RPS6KA2: variants seen among roughly 807,000 people sequenced by gnomAD.
RPS6KA2 encodes the protein ribosomal protein S6 kinase A2, also known as ribosomal protein S6 kinase alpha-2.
Under a neutral mutation model 91.8 loss-of-function variants are expected in RPS6KA2, and 42 were observed. That is an observed-to-expected ratio of 0.46 (90% CI 0.36 to 0.59). RPS6KA2 has a LOEUF of 0.59. Among genes scored for constraint, RPS6KA2 ranks in the 20% least tolerant of loss-of-function variants. The probability of loss-of-function intolerance (pLI) is 0.00; values close to 1 mark genes in which losing one functional copy is unlikely to be tolerated. For synonymous variants in RPS6KA2, 414 were observed against 393.6 expected (o/e 1.05, Z -0.61); for missense variants, 798 against 978.5 (o/e 0.82, Z 2.46).
rs115027234 is a variant in RPS6KA2, at chr6:166,522,503, C to T, written c.298+8729G>A. On this transcript the variant is annotated intron_variant, in intron 3 of 20. Transcript: ENST00000265678. ...CGATGATGCTTTGTGGTTGATGCAG[C>T]GCAACTGGAGGGATTTTGAAGACTG... is the stretch of plus-strand genomic sequence containing the variant. Among the ~76,000 whole-genome samples the T allele has an allele frequency of 5.9e-3, 891 of 152,292 alleles. 5 individuals carry two copies. Among genetic ancestry groups the T allele is most frequent in the African/African-American group, 0.018 (767 of 41,550 alleles).
At chr6:166,805,936 A>G (rs1363785496) in intron 2 of RPS6KA2, among the ~76,000 whole-genome samples, 1 of 152,210 alleles carries the variant, frequency 6.6e-6, no homozygotes, top group Admixed American at 6.5e-5. Context: ...AAAGAAGCCA[A>G]AAATAAAACC....
intron 2 of RPS6KA2, among the ~76,000 whole-genome samples, chr6:166,634,038 G>T (rs1287286665): frequency 3.9e-5 from 6 of 152,232 alleles, no homozygotes; most frequent in Non-Finnish European, 8.8e-5. Flanking sequence ...TGTGGGCAGA[G>T]TGTGGGCTCA....
intron 14 of RPS6KA2, among the ~76,000 whole-genome samples, chr6:166,442,543 G>T (rs2294327): frequency 6.6e-6 from 1 of 152,088 alleles, no homozygotes; most frequent in African/African-American, 2.4e-5. Flanking sequence ...TGCTTGGCAC[G>T]TACTGAGTAT....
In RPS6KA2 at chr6:166,726,284, C is replaced by G. The variant is rs540514093; in HGVS notation, c.123+131916G>C. On this transcript the variant is annotated intron_variant, in intron 2 of 21. Coordinates refer to the RPS6KA2 transcript ENST00000503859. This position sits in a 1 kb window ranked among gnomAD's most constrained non-coding sequence, Gnocchi z 4.4. ...AGGACAAGGACAGACCAGAGGCTGA[C>G]GGCTTGCAAGTAGATGTGGAAGATA... Among the ~76,000 whole-genome samples the G allele has an allele frequency of 6.6e-6, 1 of 152,126 alleles. No individual in the cohort carries two copies. The highest frequency in any genetic ancestry group is 6.5e-5 in the Admixed American group (1 of 15,284).
At chr6:166,633,008 A>G (rs1475189523) in intron 2 of RPS6KA2, among the ~76,000 whole-genome samples, 1 of 152,256 alleles carries the variant, frequency 6.6e-6, no homozygotes, top group Non-Finnish European at 1.5e-5. Flanking sequence ...TGAGCCCAGG[A>G]GTTCAAGGCC....
chr6:166,611,448 T>C (rs1322473874), intron 1 of RPS6KA2, among the ~76,000 whole-genome samples: 1 of 152,242 alleles, frequency 6.6e-6, no homozygotes, highest in Non-Finnish European at 1.5e-5. Flanking sequence ...CCAGAGGACC[T>C]TTTCAACATT....
chr6:166,628,749 T>TA (rs1347162900), upstream of RPS6KA2, among the ~76,000 whole-genome samples: 1 of 152,186 alleles, frequency 6.6e-6, no homozygotes, highest in African/African-American at 2.4e-5. Flanking sequence ...AAGAGGAAAA[T>TA]ACGAGTGAAA....
intron 2 of RPS6KA2, among the ~76,000 whole-genome samples, chr6:166,851,602 G>T (rs1021121064): frequency 2.0e-5 from 3 of 152,158 alleles, no homozygotes; most frequent in African/African-American, 7.2e-5. Context: ...TCCGCTCCAG[G>T]CTCCCGATTT....
rs1452685104 is a variant in RPS6KA2 at position 166,770,303 on chromosome 6, A to G, written c.123+87897T>C. On this transcript the variant is annotated intron_variant, in intron 2 of 21. Transcript: ENST00000503859. The surrounding 1 kb of genome is among the most constrained non-coding windows in gnomAD (Gnocchi z 5.1). ...ACCAGATAGATGCTTGAAATAGGAG[A>G]AATCTACCTCCATCTAAAATTATCT... Among the ~76,000 whole-genome samples, 1 of 152,196 alleles carries G rather than the reference A, an allele frequency of 6.6e-6. No homozygotes were observed. Among genetic ancestry groups the G allele is most frequent in the Admixed American group, 6.5e-5 (1 of 15,278 alleles).
chr6:166,713,982 A>AC (rs1235407409), intron 2 of RPS6KA2, among the ~76,000 whole-genome samples: 1 of 152,196 alleles, frequency 6.6e-6, no homozygotes, highest in East Asian at 1.9e-4. Flanking sequence ...CTCAGCTTCC[A>AC]CAATGGCCTC....
intron 1 of RPS6KA2, chr6:166,544,466 T>G (rs1305098466): frequency 6.6e-6 from 1 of 152,180 alleles, no homozygotes; most frequent in African/African-American, 2.4e-5. Flanking sequence ...AGTGAACACA[T>G]GCCACCCATG....
At chr6:166,792,949 C>G (rs1161357164) in intron 2 of RPS6KA2, among the ~76,000 whole-genome samples, 3 of 152,198 alleles carry the variant, frequency 2.0e-5, no homozygotes, top group African/African-American at 4.8e-5. Context: ...TGGCACAAGA[C>G]AGGGATGACC....
At chr6:166,440,684 A>G (rs1779491721) in intron 14 of RPS6KA2, among the ~76,000 whole-genome samples, 1 of 152,276 alleles carries the variant, frequency 6.6e-6, no homozygotes, top group Non-Finnish European at 1.5e-5. Context: ...CATTATCAGC[A>G]ATCGATTATG....
chr6:166,602,261 T>C (rs553593226), intron 1 of RPS6KA2, among the ~76,000 whole-genome samples: 2 of 152,344 alleles, frequency 1.3e-5, no homozygotes, highest in African/African-American at 2.4e-5. Context: ...TTGGTGGGAA[T>C]GCATCTTATA....
intron 2 of RPS6KA2, among the ~76,000 whole-genome samples, chr6:166,637,211 TGTG>T (rs1205555562): frequency 6.6e-6 from 1 of 152,108 alleles, no homozygotes; most frequent in East Asian, 1.9e-4. Context: ...AGAGAGGCTG[TGTG>T]GTGGCTGACC....
chr6:166,650,190 T>A (rs1349318967), intron 2 of RPS6KA2, among the ~76,000 whole-genome samples: 1 of 150,598 alleles, frequency 6.6e-6, no homozygotes, highest in Non-Finnish European at 1.5e-5. Flanking sequence ...TACCACAAGA[T>A]GCTGAGCCAG....
intron 1 of RPS6KA2, among the ~76,000 whole-genome samples, chr6:166,585,090 C>T (rs867920065): frequency 3.3e-5 from 5 of 152,252 alleles, no homozygotes; most frequent in East Asian, 3.9e-4. Context: ...GTTGCTACAA[C>T]GATGTGGGGT....
At chr6:166,450,222 C>G (rs372794239) in intron 13 of RPS6KA2, among the ~76,000 whole-genome samples, 1 of 147,094 alleles carries the variant, frequency 6.8e-6, no homozygotes, top group African/African-American at 2.5e-5. Context: ...TAGGGACCAC[C>G]ACAGGAACCA....
At chr6:166,818,119 C>T (rs1206812035) in intron 2 of RPS6KA2, among the ~76,000 whole-genome samples, 1 of 151,926 alleles carries the variant, frequency 6.6e-6, no homozygotes, top group African/African-American at 2.4e-5. Flanking sequence ...TTCTCCATGA[C>T]AATAATATTG....
Sources: gnomAD v4.1 joint callset for allele counts (sites outside exome capture counted in the v4.1 genomes callset) on GRCh38, gnomAD v4.1.1 for gene constraint, Gnocchi (gnomAD v3.1) non-coding constraint, MANE v1.5 for transcripts, NCBI Gene and HGNC (gene_info 2026-07-23, HGNC 2026-07-21) for gene names.